Variants in ABI2 observed in about 807,000 individuals in gnomAD.
ABI2 encodes abelson interactor 2.
A neutral mutation model predicts 59.2 loss-of-function variants in ABI2; 25 were observed. That is an observed-to-expected ratio of 0.42 (90% CI 0.31 to 0.59). The LOEUF is 0.59. ABI2 is among the 20% of genes least tolerant of loss of function. The pLI, the probability that ABI2 is intolerant of heterozygous loss-of-function variation, is 0.14. For missense variants in ABI2, 545 were observed against 681.8 expected, an observed-to-expected ratio of 0.80 and a Z score of 2.23; for synonymous variants, 213 against 235.5, an observed-to-expected ratio of 0.90 and a Z score of 0.87.
In ABI2 at chr2:203,428,039, C is replaced by T. The variant is rs2098454650; in HGVS notation, c.*687C>T. On this transcript the variant is annotated 3_prime_UTR_variant, in exon 12 of 12. Transcript: ENST00000261018. ...ACACTCTGAGGGTGGTGAACGATTGCCACCCGTTTGATTTTAATGTGCTGC... is the reference window on the plus strand; with the variant it reads ...ACACTCTGAGGGTGGTGAACGATTGTCACCCGTTTGATTTTAATGTGCTGC... The T allele has an allele frequency of 6.6e-6, 1 of 152,152 alleles. No homozygotes were observed. The highest frequency in any genetic ancestry group is 1.5e-5 in the Non-Finnish European group (1 of 68,044). 9.4% of individuals were successfully genotyped at this position (152,152 alleles called of 1,614,324 possible).
chr2:203,366,701 A>C (rs1255748981), intron 1 of ABI2, among the ~76,000 whole-genome samples, 176 bp from the exon 2 acceptor site: 6 of 152,232 alleles, frequency 3.9e-5, no homozygotes, highest in African/African-American at 7.2e-5. Flanking sequence ...TAGTGAGTTC[A>C]GTCAATAGTT....
At chr2:203,365,112 T>G (rs1315387811) in intron 1 of ABI2, among the ~76,000 whole-genome samples, 1 of 152,198 alleles carries the variant, frequency 6.6e-6, no homozygotes, top group Non-Finnish European at 1.5e-5. Flanking sequence ...ACTGAAAACA[T>G]TTTAAAAATA....
intron 7 of ABI2, 97 bp from the exon 8 acceptor site, chr2:203,396,687 GC>G (rs545050962): frequency 7.8e-5 from 97 of 1,238,232 alleles, no homozygotes; most frequent in Non-Finnish European, 9.5e-5. Flanking sequence ...TTAGTGTTAA[GC>G]ACTGAATATC....
chr2:203,366,823 G>C, intron 1 of ABI2, 54 bp from the exon 2 acceptor site: 1 of 1,469,644 alleles, frequency 6.8e-7, no homozygotes, highest in South Asian at 1.5e-5. Context: ...AGGTTAGTTT[G>C]CTAGAAATGG....
rs1416053082 is a variant in ABI2 at position 203,431,627 on chromosome 2, T to G, written c.*4275T>G. On this transcript the variant is annotated 3_prime_UTR_variant, in exon 12 of 12. Transcript: ENST00000261018. Reference sequence around the variant, plus strand: ...TATAAAAGTGATTAAATGGAGGCATTGAGCTCATTACCTTTAAGTTTACTT... The same window carrying G: ...TATAAAAGTGATTAAATGGAGGCATGGAGCTCATTACCTTTAAGTTTACTT... 1.3e-5 allele frequency: 2 copies of G among 152,058 alleles called. No homozygotes were observed. Among genetic ancestry groups the G allele is most frequent in the Non-Finnish European group, 2.9e-5 (2 of 67,994 alleles). 9.4% of individuals were successfully genotyped at this position (152,058 alleles called of 1,614,324 possible).
At chr2:203,331,310 T>G (rs2073190532) in intron 1 of ABI2, among the ~76,000 whole-genome samples, 1 of 146,768 alleles carries the variant, frequency 6.8e-6, no homozygotes, top group South Asian at 2.2e-4. Context: ...TAGATGAAAG[T>G]TAATTCACAG....
At chr2:203,382,728 C>T (rs1053233762) in intron 4 of ABI2, among the ~76,000 whole-genome samples, 10 of 151,394 alleles carry the variant, frequency 6.6e-5, no homozygotes, top group Admixed American at 2.0e-4. Context: ...AATTGAGAAG[C>T]AGAAAATATT....
chr2:203,360,961 C>CT (rs753772305), intron 1 of ABI2, among the ~76,000 whole-genome samples: 1 of 152,162 alleles, frequency 6.6e-6, no homozygotes, highest in African/African-American at 2.4e-5. Flanking sequence ...GACGTATGCT[C>CT]TGTTTATTCA....
At chr2:203,363,437 C>A (rs1057279450) in intron 1 of ABI2, among the ~76,000 whole-genome samples, 9 of 151,946 alleles carry the variant, frequency 5.9e-5, no homozygotes, top group Non-Finnish European at 1.0e-4. Context: ...TTCTCACTTA[C>A]CCCTACCTCC....
In ABI2 at chr2:203,400,079, C is replaced by CTTT. The variant is rs10581610; in HGVS notation, c.1034-2471_1034-2469dup. ...GACTCATTAATAGTGTGAATAGTGTCTTTTTTTTTTTTTTTTTTTTTTTTT... is the reference window on the plus strand; with the variant it reads ...GACTCATTAATAGTGTGAATAGTGTCTTTTTTTTTTTTTTTTTTTTTTTTTTTT... On this transcript the variant is annotated intron_variant, in intron 8 of 11. Transcript: ENST00000261018. Among the ~76,000 whole-genome samples, 22 of 59,510 alleles carry CTTT rather than the reference C, an allele frequency of 3.7e-4. 3 individuals are homozygous for CTTT. The highest frequency in any genetic ancestry group is 2.3e-3 in the East Asian group (4 of 1,774). 39.0% of individuals were successfully genotyped at this position (59,510 alleles called of 152,430 possible). A position where few individuals can be genotyped will look rare whatever the true frequency, so the allele number is the denominator to read the frequency against.
chr2:203,412,312 C>G (rs542328498), intron 10 of ABI2, among the ~76,000 whole-genome samples: 11 of 152,138 alleles, frequency 7.2e-5, no homozygotes, highest in Non-Finnish European at 1.6e-4. Flanking sequence ...GGAAAAGCAT[C>G]TGACACATAG....
chr2:203,379,223 C>G (rs924001044), intron 2 of ABI2, among the ~76,000 whole-genome samples: 1 of 152,148 alleles, frequency 6.6e-6, no homozygotes, highest in African/African-American at 2.4e-5. Context: ...TTTGCCCAAG[C>G]AACTTGGTCT....
At chr2:203,415,541 C>T (rs1298344494) in intron 10 of ABI2, among the ~76,000 whole-genome samples, 4 of 138,102 alleles carry the variant, frequency 2.9e-5, no homozygotes, top group South Asian at 2.4e-4. Context: ...GGCATGAACC[C>T]GGGAGGCAGA....
intron 11 of ABI2, among the ~76,000 whole-genome samples, chr2:203,423,916 A>C (rs2098328722): frequency 6.6e-6 from 1 of 152,226 alleles, no homozygotes; most frequent in Non-Finnish European, 1.5e-5. Context: ...TGAACAATGT[A>C]CTTTGAAATT....
At position 203,383,178 on chromosome 2, in the gene ABI2, G is replaced by A. The variant is rs539710755; in HGVS notation, c.480+972G>A. On this transcript the variant is annotated intron_variant, in intron 4 of 11. Transcript: ENST00000261018. Reference sequence around the variant, plus strand: ...TTAGTGTAGAAAGTGATGACAAGATGACTGAGCTCTGAATCATTAACTAGT... The same window carrying A: ...TTAGTGTAGAAAGTGATGACAAGATAACTGAGCTCTGAATCATTAACTAGT... 5.6e-4 allele frequency: 87 copies of A among 154,696 alleles called. 2 individuals are homozygous for A. In the Middle Eastern group the frequency reaches 0.03, roughly 53 times the overall value. 9.6% of individuals were successfully genotyped at this position (154,696 alleles called of 1,614,324 possible).
chr2:203,417,614 GAA>G (rs34889407), intron 11 of ABI2, among the ~76,000 whole-genome samples: 1 of 152,120 alleles, frequency 6.6e-6, no homozygotes, highest in African/African-American at 2.4e-5. Flanking sequence ...AATCAGCTCA[GAA>G]AAAAATGTGT....
chr2:203,376,680 G>T (rs950084576), intron 2 of ABI2, among the ~76,000 whole-genome samples: 1 of 148,180 alleles, frequency 6.7e-6, no homozygotes, highest in Non-Finnish European at 1.5e-5. Context: ...TTATAACAAT[G>T]ACCCTTTATT....
chr2:203,389,287 A>T (rs1022833434), intron 4 of ABI2, among the ~76,000 whole-genome samples: 2 of 152,262 alleles, frequency 1.3e-5, no homozygotes, highest in Admixed American at 1.3e-4. Context: ...AAGCAACAAC[A>T]AAAGGATTAC....
chr2:203,338,967 T>TATATAA (rs2078090000), intron 1 of ABI2, among the ~76,000 whole-genome samples: 5 of 10,008 alleles, frequency 5.0e-4, no homozygotes, highest in Non-Finnish European at 2.3e-4. Context: ...TATATAAATA[T>TATATAA]ATATATATAT....
Sources: gnomAD v4.1 joint callset for allele counts (sites outside exome capture counted in the v4.1 genomes callset) on GRCh38, gnomAD v4.1.1 for gene constraint, MANE v1.5 for transcripts, NCBI Gene and HGNC (gene_info 2026-07-23, HGNC 2026-07-21) for gene names.